Variants in INTS6 observed in about 807,000 individuals in gnomAD.
The protein encoded by INTS6 is DEAD box protein.
INTS6 carries 16 observed loss-of-function variants against 104.9 expected under a neutral mutation model. The ratio of observed to expected loss-of-function variants is 0.15; its 90% CI spans 0.10 to 0.23. The LOEUF (loss-of-function observed/expected upper bound fraction) is 0.23, where lower values mean the gene tolerates loss of function less well. INTS6 is among the 10% of genes least tolerant of loss of function. INTS6 has a pLI of 1.00. For missense variants in INTS6, 584 were observed against 1,062.8 expected (o/e 0.55, Z 6.26); for synonymous variants, 324 against 358.7 (o/e 0.90, Z 1.09).
Position 51,452,572 on chromosome 13 carries a change from G to A in INTS6, c.-47C>T. ...GGCCCGAGGTGGTGGAGAAAGAGGA[G>A]ATGGTAGAGGTGGAGGCGCCGGTGG... On this transcript the variant is annotated 5_prime_UTR_variant, in exon 1 of 18. Coordinates refer to ENST00000311234, the MANE Select transcript of INTS6 (RefSeq NM_012141.3). The surrounding 1 kb of genome is among the most constrained non-coding windows in gnomAD (Gnocchi z 4.2). 1 of 1,594,480 alleles carries A rather than the reference G, an allele frequency of 6.3e-7. No homozygotes were observed. Among genetic ancestry groups the A allele is most frequent in the Non-Finnish European group, 8.6e-7 (1 of 1,169,174 alleles).
intron 17 of INTS6, 63 bp downstream of exon 17, chr13:51,367,742 A>G (rs1259666856): frequency 6.9e-6 from 6 of 865,034 alleles, no homozygotes; most frequent in South Asian, 1.5e-5. Flanking sequence ...CTATTAAAAT[A>G]CTGCCTATAT....
chr13:51,384,265 C>A (rs1193545245), intron 7 of INTS6: 3 of 157,944 alleles, frequency 1.9e-5, no homozygotes, highest in Non-Finnish European at 4.2e-5. Flanking sequence ...TTCCAGCAAT[C>A]ATTTTGGTAA....
chr13:51,354,578 A>G (rs1346199970), intron 3 of INTS6, among the ~76,000 whole-genome samples: 3 of 151,052 alleles, frequency 2.0e-5, no homozygotes, highest in Non-Finnish European at 2.9e-5. Context: ...CAACATAGGG[A>G]GACCCCATCT....
In INTS6 at chr13:51,365,824, T is replaced by C. The variant is rs1432721599; in HGVS notation, c.2592A>G (p.Ile864Met). 3 of 1,601,138 alleles carry C rather than the reference T, an allele frequency of 1.9e-6. No homozygotes were observed. Among genetic ancestry groups the C allele is most frequent in the East Asian group, 4.5e-5 (2 of 44,588 alleles). The change falls in exon 18 of 18, where the codon ATA becomes ATG. Residue 864 changes from isoleucine (I) to methionine (M), a missense_variant. This residue lies in a region of INTS6 where 296 missense variants were observed against 437.0 expected (regional missense o/e 0.68). Transcript: ENST00000311234. ...EASRFKKRMLIEQLENFLDEI... is the reference protein window; with the variant it reads ...EASRFKKRMLMEQLENFLDEI... The stretch of plus-strand genomic sequence containing the variant: ...CATCCAAGAAGTTCTCCAGTTGTTC[T>C]ATTAGCATTCGTTTTTTAAACCTGT...
intron 4 of INTS6, 60 bp from the exon 5 acceptor site, chr13:51,395,543 T>A: frequency 7.0e-7 from 1 of 1,426,226 alleles, no homozygotes; most frequent in Non-Finnish European, 9.5e-7. Flanking sequence ...TCAAAAAGCC[T>A]ACTTTAATTA....
In INTS6 at chr13:51,365,054, G is replaced by A. The variant is rs564666515; in HGVS notation, c.*698C>T. 1.3e-5 allele frequency: 2 copies of A among 152,612 alleles called. No homozygotes were observed. The highest frequency in any genetic ancestry group is 3.9e-4 in the East Asian group (2 of 5,182). The allele number at this position is 152,612 out of a possible 1,614,324, so 9.5% of individuals were successfully genotyped here. On this transcript the variant is annotated 3_prime_UTR_variant, in exon 18 of 18. Transcript: ENST00000311234. ...GGCCAACAAAAACTACGAACATATA[G>A]TAAAAAGGCAATGCAGATTATGTAA... is the stretch of plus-strand genomic sequence containing the variant.
Position 51,369,245 on chromosome 13 carries a change from A to C in INTS6, c.2170T>G (p.Ser724Ala). Residue 724 changes from serine (S) to alanine (A), a missense_variant, in exon 16 of 18, where the codon TCA becomes GCA. Physicochemically the swap from Ser to Ala is moderately conservative, Grantham distance 99 (BLOSUM62 1). Transcript: ENST00000311234. ...VVENHVADQL[S>A]SDITPNAMDT... ...ATAGCATTTGGTGTAATGTCTGATG[A>C]AAGTTGGTCTGCAACATGATTTTCA... 1 of 1,613,724 alleles carries C rather than the reference A, an allele frequency of 6.2e-7. No individual in the cohort carries two copies. The highest frequency in any genetic ancestry group is 8.5e-7 in the Non-Finnish European group (1 of 1,179,756).
At chr13:51,396,437 A>C (rs1956339559) in intron 4 of INTS6, among the ~76,000 whole-genome samples, 2 of 152,174 alleles carry the variant, frequency 1.3e-5, no homozygotes, top group Non-Finnish European at 2.9e-5. Context: ...TGAGATTCTT[A>C]AGCATCTTAA....
At chr13:51,450,710 G>T (rs568103335) in intron 3 of INTS6, 1 of 1,016,812 alleles carries the variant, frequency 9.8e-7, no homozygotes, top group South Asian at 4.5e-5. Flanking sequence ...CATACAACAT[G>T]AGTGTGGTGT....
At position 51,450,374 on chromosome 13, in the gene INTS6, G is replaced by A. The variant is rs141310395; in HGVS notation, c.339+651C>T. On this transcript the variant is annotated intron_variant, in intron 3 of 17. Transcript: ENST00000311234. ...AAGTAAGTGCAATAAAAGGACTTGT[G>A]GGGGTTAAGAAACGAAGGGTTCTTT... 1,856 of 985,368 alleles carry A rather than the reference G, an allele frequency of 1.9e-3. 23 individuals are homozygous for A. The African/African-American group carries it at 0.029, about 15-fold the overall frequency. The allele number at this position is 985,368 out of a possible 1,614,324, so 61.0% of individuals were successfully genotyped here.
In INTS6 at chr13:51,356,548, T is replaced by A. The variant is rs191279581; in HGVS notation, n.431-2212A>T. On this transcript the variant is annotated intron_variant and non_coding_transcript_variant, in intron 3 of 3. Coordinates refer to the INTS6 transcript ENST00000476666. ...CGCTGTATTTTCTTCTACATCACTGTATTCCGTGAATCACTAGGGCTTACT... is the reference window on the plus strand; with the variant it reads ...CGCTGTATTTTCTTCTACATCACTGAATTCCGTGAATCACTAGGGCTTACT... Among the ~76,000 whole-genome samples, 132 of 152,282 alleles carry A rather than the reference T, an allele frequency of 8.7e-4. 1 individual carries two copies. The highest frequency in any genetic ancestry group is 1.6e-3 in the Non-Finnish European group (106 of 68,014).
At chr13:51,378,119 A>T in intron 12 of INTS6, 120 bp downstream of exon 12, 3 of 723,350 alleles carry the variant, frequency 4.1e-6, no homozygotes, top group South Asian at 3.4e-5. Flanking sequence ...TTAGTCTACA[A>T]GAGTACAGAA....
intron 3 of INTS6, among the ~76,000 whole-genome samples, chr13:51,435,631 A>T (rs1353462352): frequency 2.0e-5 from 3 of 152,094 alleles, no homozygotes; most frequent in Non-Finnish European, 4.4e-5. Context: ...TGAAAATACT[A>T]AGAAAAGGTA....
At chr13:51,414,264 T>C (rs996662755) in intron 4 of INTS6, among the ~76,000 whole-genome samples, 3 of 152,212 alleles carry the variant, frequency 2.0e-5, no homozygotes, top group African/African-American at 7.2e-5. Context: ...CTTCCCTGAC[T>C]ACTACCAGTT....
intron 4 of INTS6, among the ~76,000 whole-genome samples, chr13:51,409,987 A>G (rs979751920): frequency 1.3e-5 from 2 of 152,186 alleles, no homozygotes; most frequent in African/African-American, 4.8e-5. Flanking sequence ...AGTTGAAAGT[A>G]AAAAGACCAA....
intron 15 of INTS6, among the ~76,000 whole-genome samples, chr13:51,373,387 C>T (rs949137239): frequency 6.6e-6 from 1 of 152,170 alleles, no homozygotes. Flanking sequence ...TAATAGTCCA[C>T]ACACATTACA....
intron 7 of INTS6, among the ~76,000 whole-genome samples, chr13:51,385,788 C>T (rs1956132018): frequency 6.6e-6 from 1 of 152,044 alleles, no homozygotes; most frequent in Non-Finnish European, 1.5e-5. Flanking sequence ...TTATTATTCT[C>T]TCTTCCATCA....
the INTS6 span, chr13:51,341,081 T>C: frequency 6.2e-7 from 1 of 1,612,764 alleles, no homozygotes; most frequent in Non-Finnish European, 8.5e-7. Context: ...GCAGGAACCC[T>C]CCCAGCCTCC....
intron 15 of INTS6, among the ~76,000 whole-genome samples, chr13:51,373,380 T>C (rs538005836): frequency 3.9e-5 from 6 of 152,320 alleles, no homozygotes; most frequent in African/African-American, 1.4e-4. Context: ...TCTCTGATAA[T>C]AGTCCACACA....
Sources: allele counts gnomAD v4.1 joint callset (sites outside exome capture counted in the v4.1 genomes callset), GRCh38; gene constraint gnomAD v4.1.1; regional missense constraint gnomAD v4.1.1; non-coding constraint Gnocchi (gnomAD v3.1); transcripts MANE v1.5; gene names NCBI Gene and HGNC (gene_info 2026-07-23, HGNC 2026-07-21).